Variants in CNBD1 observed in about 807,000 individuals in gnomAD.
CNBD1 encodes cyclic nucleotide binding domain containing 1.
CNBD1 carries 71 observed loss-of-function variants against 54.4 expected under a neutral mutation model. The ratio of observed to expected loss-of-function variants is 1.30; its 90% CI spans 1.08 to 1.59. The LOEUF is 1.59. CNBD1 is among the 40% of genes most tolerant of loss of function. The probability of loss-of-function intolerance (pLI) is 0.00; values close to 1 mark genes in which losing one functional copy is unlikely to be tolerated. For missense variants in CNBD1, 659 were observed against 518.0 expected (o/e 1.27, Z -2.64); for synonymous variants, 182 against 170.7 (o/e 1.07, Z -0.51).
intron 2 of CNBD1, among the ~76,000 whole-genome samples, chr8:86,898,744 G>C (rs777919723): frequency 1.4e-4 from 22 of 152,162 alleles, no homozygotes; most frequent in Admixed American, 4.6e-4. Flanking sequence ...AAAATTCTAG[G>C]TAACGTTGGG....
At chr8:87,321,620 AT>A in intron 8 of CNBD1, among the ~76,000 whole-genome samples, 1 of 151,986 alleles carries the variant, frequency 6.6e-6, no homozygotes, top group East Asian at 1.9e-4. Flanking sequence ...GTCTGCAAAT[AT>A]TTTCTCTCAT....
At chr8:87,124,077 T>C (rs1811946354) in intron 4 of CNBD1, among the ~76,000 whole-genome samples, 3 of 151,634 alleles carry the variant, frequency 2.0e-5, no homozygotes, top group Admixed American at 2.0e-4. Flanking sequence ...TGCCAATTAT[T>C]GAAAATTTCC....
intron 3 of CNBD1, among the ~76,000 whole-genome samples, chr8:86,919,480 C>T (rs1563821959): frequency 6.6e-6 from 1 of 152,088 alleles, no homozygotes; most frequent in Non-Finnish European, 1.5e-5. Context: ...AAAACATCTG[C>T]CTTTATAGCA....
chr8:87,371,037 T>C (rs1383016538), intron 10 of CNBD1, among the ~76,000 whole-genome samples: 1 of 150,746 alleles, frequency 6.6e-6, no homozygotes, highest in Non-Finnish European at 1.5e-5. Flanking sequence ...CAGATAGTTG[T>C]AGATATGCGG....
chr8:87,066,816 C>T (rs2130646789), intron 4 of CNBD1, among the ~76,000 whole-genome samples: 1 of 151,808 alleles, frequency 6.6e-6, no homozygotes, highest in Non-Finnish European at 1.5e-5. Context: ...GATGTATATC[C>T]TTGTGTAAGT....
chr8:87,199,074 C>T (rs538696845), intron 4 of CNBD1, among the ~76,000 whole-genome samples: 2 of 152,190 alleles, frequency 1.3e-5, no homozygotes, highest in Non-Finnish European at 2.9e-5. Context: ...AGAAGGAAAG[C>T]TCCCTTACCA....
intron 4 of CNBD1, among the ~76,000 whole-genome samples, chr8:86,956,151 A>C (rs13135450): frequency 0.011 from 1,728 of 151,716 alleles, 37 homozygotes; most frequent in African/African-American, 0.04. Flanking sequence ...AGATATGCGG[A>C]GTTATTTCTG....
intron 10 of CNBD1, among the ~76,000 whole-genome samples, chr8:87,370,325 T>C (rs1479491940): frequency 6.6e-6 from 1 of 152,102 alleles, no homozygotes; most frequent in Non-Finnish European, 1.5e-5. Flanking sequence ...AATGGTTGAA[T>C]TAGTTTACAG....
chr8:87,112,126 C>G (rs543479327), intron 4 of CNBD1, among the ~76,000 whole-genome samples: 2 of 152,170 alleles, frequency 1.3e-5, no homozygotes, highest in Admixed American at 6.5e-5. Flanking sequence ...AGCATGTCCA[C>G]TTCTCTGTGC....
chr8:87,039,265 T>A (rs190326585), intron 4 of CNBD1, among the ~76,000 whole-genome samples: 1 of 152,344 alleles, frequency 6.6e-6, no homozygotes, highest in Non-Finnish European at 1.5e-5. Context: ...TCTATGGTTT[T>A]TATGGGTATA....
intron 7 of CNBD1, 148 bp from the exon 8 acceptor site, chr8:87,286,391 G>T (rs1465634928): frequency 3.6e-6 from 2 of 550,934 alleles, no homozygotes; most frequent in East Asian, 5.9e-5. Flanking sequence ...TGGCCATAGA[G>T]TGATGCTCAG....
Position 87,255,109 on chromosome 8 carries a change from T to G in CNBD1, c.771+17997T>G, listed in dbSNP as rs1210951667. ...TCTGTAGAGGACAAGTCTGTCTACATGCAAAATTACTTAATGCAAGGTTAC... is the reference window on the plus strand; with the variant it reads ...TCTGTAGAGGACAAGTCTGTCTACAGGCAAAATTACTTAATGCAAGGTTAC... On this transcript the variant is annotated intron_variant, in intron 6 of 10. Transcript: ENST00000518476. Among the ~76,000 whole-genome samples the G allele has an allele frequency of 2.0e-5, 3 of 152,234 alleles. No homozygotes were observed. In the East Asian group the frequency reaches 5.8e-4, roughly 29 times the overall value.
intron 1 of CNBD1, among the ~76,000 whole-genome samples, chr8:86,884,740 A>G (rs957307249): frequency 6.6e-6 from 1 of 152,180 alleles, no homozygotes; most frequent in Non-Finnish European, 1.5e-5. Context: ...AAGGGTTGCT[A>G]TTCTTACTAC....
chr8:87,173,869 C>G (rs950498978), intron 4 of CNBD1, among the ~76,000 whole-genome samples: 2 of 151,340 alleles, frequency 1.3e-5, no homozygotes, highest in Non-Finnish European at 2.9e-5. Context: ...CTTTCTCTGC[C>G]TTCTCTTCGG....
chr8:87,153,826 G>A (rs775145196), intron 4 of CNBD1, among the ~76,000 whole-genome samples: 1 of 152,138 alleles, frequency 6.6e-6, no homozygotes, highest in Non-Finnish European at 1.5e-5. Context: ...AGCTGTACAA[G>A]AACATCTCAT....
chr8:87,297,604 A>G (rs1214317148), intron 8 of CNBD1, among the ~76,000 whole-genome samples: 2 of 152,198 alleles, frequency 1.3e-5, no homozygotes, highest in Admixed American at 6.5e-5. Context: ...TAAGAGAGTG[A>G]ACCATGTCAA....
intron 4 of CNBD1, among the ~76,000 whole-genome samples, chr8:87,118,741 G>T (rs1360617005): frequency 6.6e-6 from 1 of 152,150 alleles, no homozygotes; most frequent in Non-Finnish European, 1.5e-5. Flanking sequence ...ATATTGGAAA[G>T]ATCTCTTGTC....
intron 4 of CNBD1, among the ~76,000 whole-genome samples, chr8:87,047,610 ACTGT>A (rs1414715453): frequency 6.6e-6 from 1 of 152,228 alleles, no homozygotes; most frequent in African/African-American, 2.4e-5. Context: ...CAGAAGTGAG[ACTGT>A]CTGTCTGCTT....
chr8:87,266,421 T>TA (rs541109611), intron 6 of CNBD1, among the ~76,000 whole-genome samples: 27,652 of 72,508 alleles, frequency 0.38, 4,849 homozygotes, highest in Non-Finnish European at 0.45. Context: ...GAGGTCCAAG[T>TA]AAAAAAAAAA....
Sources: gnomAD v4.1 joint callset for allele counts (sites outside exome capture counted in the v4.1 genomes callset) on GRCh38, gnomAD v4.1.1 for gene constraint, MANE v1.5 for transcripts, NCBI Gene and HGNC (gene_info 2026-07-23, HGNC 2026-07-21) for gene names.